The following NPHP1 variants were observed in gnomAD, a reference collection of about 807,000 sequenced individuals.
NPHP1 encodes nephrocystin-1.
Under a neutral mutation model 90.4 loss-of-function variants are expected in NPHP1, and 70 were observed. That is an observed-to-expected ratio of 0.77 (90% CI 0.64 to 0.95). The LOEUF (loss-of-function observed/expected upper bound fraction) is 0.95. NPHP1 is among the 40% of genes least tolerant of loss of function. The pLI, the probability that NPHP1 is intolerant of heterozygous loss-of-function variation, is 0.00. For missense variants in NPHP1, 764 were observed against 795.9 expected (o/e 0.96, Z 0.48); for synonymous variants, 256 against 271.7 (o/e 0.94, Z 0.57).
chr2:110,146,784 A>T lies in NPHP1; in HGVS notation c.1321T>A (p.Phe441Ile). ...LSCGWVFLKL[F>I]DASGVPIPAK... ...GGAATAGGAACTCCACTGGCATCAA[A>T]AAGTTTAAGAAACACCCAGCCACAG... The change falls in exon 14 of 20, where the codon TTT becomes ATT. Residue 441 changes from phenylalanine to isoleucine, a missense_variant. Phe to Ile is a conservative substitution (Grantham distance 21). Transcript: ENST00000445609. The T allele has an allele frequency of 1.2e-6, 2 of 1,613,596 alleles. No individual in the cohort carries two copies. The highest frequency in any genetic ancestry group is 1.7e-6 in the Non-Finnish European group (2 of 1,179,540).
chr2:110,192,224 G>A (rs577348880), intron 2 of NPHP1, among the ~76,000 whole-genome samples: 2 of 152,268 alleles, frequency 1.3e-5, no homozygotes, highest in African/African-American at 2.4e-5. Context: ...AAAGGAGGAA[G>A]TTCGAACCCG....
intron 2 of NPHP1, among the ~76,000 whole-genome samples, chr2:110,182,494 CTTAAA>C (rs1683975680): frequency 6.6e-6 from 1 of 152,116 alleles, no homozygotes; most frequent in South Asian, 2.1e-4. Context: ...ATTCATCATT[CTTAAA>C]GAAAAGAAAT....
intron 18 of NPHP1, chr2:110,128,870 A>G (rs1679560987): frequency 2.7e-6 from 1 of 366,476 alleles, no homozygotes; most frequent in African/African-American, 2.0e-5. Context: ...AATTCAATTG[A>G]TTTATCTTAC....
intron 1 of NPHP1, among the ~76,000 whole-genome samples, chr2:110,202,809 T>C (rs1685659056): frequency 6.6e-6 from 1 of 152,096 alleles, no homozygotes; most frequent in South Asian, 2.1e-4. Context: ...AGAGTACACA[T>C]ATACACTGTT....
At chr2:110,131,818 A>C (rs776736457) in intron 16 of NPHP1, 27 bp from the exon 17 acceptor site, 31 of 1,333,924 alleles carry the variant, frequency 2.3e-5, no homozygotes, top group Non-Finnish European at 3.0e-5. Context: ...AAATGTATTC[A>C]TTAGACAATC....
intron 19 of NPHP1, chr2:110,125,362 C>G (rs1389816420): frequency 6.6e-7 from 1 of 1,503,896 alleles, no homozygotes; most frequent in Non-Finnish European, 8.8e-7. Flanking sequence ...ATTTGATACA[C>G]AACTGAGAGA....
chr2:110,125,394 T>A (rs970684643), intron 19 of NPHP1: 103 of 1,405,792 alleles, frequency 7.3e-5, no homozygotes, highest in Non-Finnish European at 9.1e-5. Flanking sequence ...AAACTTCCCC[T>A]TTATTTAAAT....
intron 4 of NPHP1, among the ~76,000 whole-genome samples, chr2:110,173,799 C>T (rs1365859675): frequency 6.6e-6 from 1 of 152,066 alleles, no homozygotes; most frequent in African/African-American, 2.4e-5. Context: ...CTAAGAAAGG[C>T]TTGACTATAC....
chr2:110,194,881 A>G (rs1201352562), intron 2 of NPHP1, among the ~76,000 whole-genome samples: 1 of 149,646 alleles, frequency 6.7e-6, no homozygotes, highest in African/African-American at 2.4e-5. Context: ...GTAATCCAGC[A>G]TATAAACAGA....
intron 11 of NPHP1, among the ~76,000 whole-genome samples, chr2:110,151,952 T>A (rs1043496621): frequency 6.6e-6 from 1 of 152,202 alleles, no homozygotes; most frequent in East Asian, 1.9e-4. Context: ...TTCTGTTTGA[T>A]AATTTTATAT....
chr2:110,125,454 A>G, intron 19 of NPHP1, 183 bp downstream of exon 19: 1 of 1,129,020 alleles, frequency 8.9e-7, no homozygotes, highest in South Asian at 1.3e-5. Context: ...TCCTTCTCAC[A>G]TTAGCTAACG....
chr2:110,184,424 A>C, intron 2 of NPHP1: 1 of 642,662 alleles, frequency 1.6e-6, no homozygotes, highest in Non-Finnish European at 2.8e-6. Flanking sequence ...ACCAGGAATG[A>C]GCTGCCAACG....
At chr2:110,125,311 C>T in intron 19 of NPHP1, 1 of 1,534,160 alleles carries the variant, frequency 6.5e-7, no homozygotes, top group Non-Finnish European at 8.7e-7. Flanking sequence ...CTTGGTGATA[C>T]AGGCTTTGAG....
At position 110,124,549 on chromosome 2, in the gene NPHP1, G is replaced by C. The variant is rs139209422; in HGVS notation, c.1762-486C>G. On this transcript the variant is annotated intron_variant, in intron 19 of 19. Transcript: ENST00000445609. ...CAGCAATGCCTGGGATGGAGGTCGA[G>C]GGGTCCTTTGGTGATGAGGATGTCA... The C allele has an allele frequency of 5.9e-3, 1,336 of 225,306 alleles. 5 individuals are homozygous for C. The highest frequency in any genetic ancestry group is 9.6e-3 in the Non-Finnish European group (1,077 of 111,920). The allele number at this position is 225,306 out of a possible 1,614,324, so 14.0% of individuals were successfully genotyped here. A position where few individuals can be genotyped will look rare whatever the true frequency, so the allele number is the denominator to read the frequency against.
intron 9 of NPHP1, among the ~76,000 whole-genome samples, chr2:110,162,429 T>C (rs1415053531): frequency 6.6e-6 from 1 of 152,084 alleles, no homozygotes; most frequent in Non-Finnish European, 1.5e-5. Context: ...TAGGGAGTAC[T>C]GGGAAGAACC....
intron 18 of NPHP1, chr2:110,128,918 T>C (rs1559043424): frequency 8.2e-6 from 4 of 490,322 alleles, no homozygotes; most frequent in Non-Finnish European, 1.1e-5. Context: ...ACACAATCAG[T>C]GGCCATCCTA....
At chr2:110,164,791 A>G (rs927091498) in intron 7 of NPHP1, 61 bp from the exon 8 acceptor site, 2 of 1,368,698 alleles carry the variant, frequency 1.5e-6, no homozygotes, top group African/African-American at 2.9e-5. Context: ...TCAATTAGGG[A>G]ACTTCTTTAA....
chr2:110,148,253 G>A (rs1681214670), intron 12 of NPHP1, among the ~76,000 whole-genome samples: 2 of 151,988 alleles, frequency 1.3e-5, no homozygotes, highest in African/African-American at 2.4e-5. Context: ...TTTTAAAAGT[G>A]TGTGGCACCT....
rs1679179584 is a variant in NPHP1, at chr2:110,124,065, T to C, written c.1762-2A>G. The C allele has an allele frequency of 6.2e-7, 1 of 1,613,906 alleles. No individual in the cohort carries two copies. The highest frequency in any genetic ancestry group is 1.1e-5 in the South Asian group (1 of 91,080). ...GGACTTCAGGAACTCTTTGTCTCTC[T>C]GGGAAAACACCACCCCCACAAATAA... On this transcript the variant is annotated splice_acceptor_variant, in intron 19 of 19. Coordinates refer to ENST00000445609, the MANE Select transcript of NPHP1 (RefSeq NM_001128178.3). LOFTEE classifies it high-confidence loss of function.
Sources: gnomAD v4.1 joint callset for allele counts (sites outside exome capture counted in the v4.1 genomes callset) on GRCh38, gnomAD v4.1.1 for gene constraint, MANE v1.5 for transcripts, NCBI Gene and HGNC (gene_info 2026-07-23, HGNC 2026-07-21) for gene names.